The following ECD variants were observed in gnomAD, a reference collection of about 807,000 sequenced individuals.
The protein encoded by ECD is ecdysoneless cell cycle regulator.
A neutral mutation model predicts 77.2 loss-of-function variants in ECD; 59 were observed. That is an observed-to-expected ratio of 0.76 (90% CI 0.62 to 0.95). The LOEUF (loss-of-function observed/expected upper bound fraction) is 0.95. Ranked by LOEUF, ECD falls within the 40% of genes least tolerant of loss-of-function variation. ECD has a pLI of 0.00. For missense variants in ECD, 704 were observed against 763.4 expected, an observed-to-expected ratio of 0.92 and a Z score of 0.92; for synonymous variants, 233 against 267.4, an observed-to-expected ratio of 0.87 and a Z score of 1.26.
At chr10:73,157,614 C>T (rs1374845295) in intron 3 of ECD, among the ~76,000 whole-genome samples, 2 of 150,830 alleles carry the variant, frequency 1.3e-5, no homozygotes, top group Non-Finnish European at 3.0e-5. Context: ...CCCAGCTACT[C>T]GGGAGGCTGA....
At chr10:73,160,592 T>C in intron 2 of ECD, 41 bp from the exon 3 acceptor site, 1 of 1,405,196 alleles carries the variant, frequency 7.1e-7, no homozygotes, top group Non-Finnish European at 9.9e-7. Flanking sequence ...CAGATAAATT[T>C]GTTACTGCAA....
chr10:73,152,263 AG>A (rs1330532911), intron 7 of ECD, 29 bp downstream of exon 7: 1 of 1,605,082 alleles, frequency 6.2e-7, no homozygotes, highest in East Asian at 2.2e-5. Flanking sequence ...ACATAAAGAA[AG>A]GAAACAACAT....
chr10:73,156,654 T>A lies in ECD; in HGVS notation c.325A>T (p.Ile109Phe), dbSNP rs1444549171. Residue 109 changes from isoleucine (I) to phenylalanine (F), a missense_variant and splice_region_variant, in exon 4 of 14, where the codon ATT (isoleucine) becomes TTT (phenylalanine). Ile to Phe is a conservative substitution (Grantham distance 21). This residue lies in a region of ECD where 559 missense variants were observed against 583.7 expected (regional missense o/e 0.96). Coordinates refer to ENST00000372979, the MANE Select transcript of ECD (RefSeq NM_007265.3). Reference sequence around the variant, plus strand: ...AAGAATTCACCATCATTGTCTTCAATCCTAATGCAAGAAAATTTCCAATTT... The same window carrying A: ...AAGAATTCACCATCATTGTCTTCAAACCTAATGCAAGAAAATTTCCAATTT... Reference protein sequence around the residue: ...TKEFPELVARIEDNDGEFLLI... With the variant: ...TKEFPELVARFEDNDGEFLLI... The A allele has an allele frequency of 2.5e-6, 4 of 1,612,834 alleles. No homozygotes were observed. The African/African-American group carries it at 4.0e-5, about 16-fold the overall frequency.
chr10:73,150,527 A>G lies in ECD; in HGVS notation c.912+1766T>C, dbSNP rs561342409. ...ACAAAAGCCAAAATTGACAAATGGGATCTAATTAAACTCAAGAGCTTCTGC... is the reference window on the plus strand; with the variant it reads ...ACAAAAGCCAAAATTGACAAATGGGGTCTAATTAAACTCAAGAGCTTCTGC... On this transcript the variant is annotated intron_variant, in intron 7 of 13. Coordinates refer to ENST00000372979, the MANE Select transcript of ECD (RefSeq NM_007265.3). Among the ~76,000 whole-genome samples the G allele has an allele frequency of 2.6e-5, 4 of 152,336 alleles. No individual in the cohort carries two copies. The South Asian group carries it at 8.3e-4, about 32-fold the overall frequency.
chr10:73,142,317 T>G (rs1026018146), intron 9 of ECD, among the ~76,000 whole-genome samples: 2 of 152,068 alleles, frequency 1.3e-5, no homozygotes, highest in African/African-American at 4.8e-5. Flanking sequence ...CCTATTTGTT[T>G]ATTTTTAATT....
intron 2 of ECD, among the ~76,000 whole-genome samples, chr10:73,161,844 G>A (rs761136953): frequency 2.6e-5 from 4 of 152,268 alleles, no homozygotes; most frequent in African/African-American, 2.4e-5. Flanking sequence ...ACGACCAAGC[G>A]AGATTTATTC....
Position 73,160,549 on chromosome 10 carries a change from CT to C in ECD, c.207del (p.Gly70ValfsTer9). 1 of 1,589,834 alleles carries C rather than the reference CT, an allele frequency of 6.3e-7. No homozygotes were observed. Among genetic ancestry groups the C allele is most frequent in the Non-Finnish European group, 8.5e-7 (1 of 1,172,652 alleles). ...ACGCCAAACATATGAGCAGGAACAC[CT>C]CCTAAAAACAAGAGAAAAGCAACCA... ...PFNLKYKPGK[G>X]GVPAHMFGVT... On this transcript the variant is annotated frameshift_variant and splice_region_variant, in exon 3 of 14. Transcript: ENST00000372979. LOFTEE classifies it high-confidence loss of function.
At chr10:73,151,567 C>G (rs1589117788) in intron 7 of ECD, among the ~76,000 whole-genome samples, 2 of 150,646 alleles carry the variant, frequency 1.3e-5, no homozygotes, top group East Asian at 3.9e-4. Context: ...CTATCAATGT[C>G]TAGATTGTAA....
intron 9 of ECD, 112 bp from the exon 10 acceptor site, chr10:73,139,849 G>GTTTTT: frequency 2.3e-6 from 1 of 435,676 alleles, no homozygotes; most frequent in Admixed American, 4.5e-5. Flanking sequence ...TTTGGGGAGT[G>GTTTTT]TTTTTTTTTT....
chr10:73,151,267 A>G (rs2133261433), intron 7 of ECD, among the ~76,000 whole-genome samples: 1 of 151,544 alleles, frequency 6.6e-6, no homozygotes, highest in East Asian at 2.0e-4. Flanking sequence ...TCAGCAAACT[A>G]TTGCAAGGAC....
chr10:73,149,107 G>A (rs10437380), intron 7 of ECD, among the ~76,000 whole-genome samples: 15,984 of 152,152 alleles, frequency 0.11, 1,237 homozygotes, highest in East Asian at 0.3. Context: ...CTTACTTCAT[G>A]GCTAGAGCAC....
intron 9 of ECD, among the ~76,000 whole-genome samples, chr10:73,142,754 G>A (rs1843075384): frequency 6.6e-6 from 1 of 151,932 alleles, no homozygotes; most frequent in South Asian, 2.1e-4. Context: ...GTATACTTCG[G>A]CACTTTTCTC....
chr10:73,133,713 C>T lies in ECD; in HGVS notation c.*870G>A, dbSNP rs1238962451. On this transcript the variant is annotated 3_prime_UTR_variant, in exon 14 of 14. Coordinates refer to ENST00000372979, the MANE Select transcript of ECD (RefSeq NM_007265.3). ...TGAATTTTATGATATATAGATAATA[C>T]TTGATTTATTTTAGGAGGAATATGA... is the stretch of plus-strand genomic sequence containing the variant. 1 of 151,894 alleles carries T rather than the reference C, an allele frequency of 6.6e-6. No homozygotes were observed. The highest frequency in any genetic ancestry group is 1.5e-5 in the Non-Finnish European group (1 of 67,998). 9.4% of individuals were successfully genotyped at this position (151,894 alleles called of 1,614,324 possible).
chr10:73,134,574 A>G lies in ECD; in HGVS notation c.*9T>C, dbSNP rs771750736. 11 of 1,607,724 alleles carry G rather than the reference A, an allele frequency of 6.8e-6. No homozygotes were observed. Among genetic ancestry groups the G allele is most frequent in the African/African-American group, 1.3e-5 (1 of 74,888 alleles). ...TTTAAAAAGAAAAAAGAGAAGCTAA[A>G]TGTGCTGGTTAATTTTTTGTTGGCT... On this transcript the variant is annotated 3_prime_UTR_variant, in exon 14 of 14. Coordinates refer to ENST00000372979, the MANE Select transcript of ECD (RefSeq NM_007265.3).
chr10:73,160,303 A>G, intron 3 of ECD, 131 bp downstream of exon 3: 1 of 512,696 alleles, frequency 2.0e-6, no homozygotes, highest in Non-Finnish European at 3.1e-6. Context: ...AAAAAAGAGC[A>G]CAGATACTAT....
rs941653791 is a variant in ECD at position 73,133,970 on chromosome 10, G to A, written c.*613C>T. 6.6e-6 allele frequency: 1 copy of A among 152,428 alleles called. No homozygotes were observed. Among genetic ancestry groups the A allele is most frequent in the Non-Finnish European group, 1.5e-5 (1 of 68,270 alleles). 9.4% of individuals were successfully genotyped at this position (152,428 alleles called of 1,614,324 possible). The stretch of plus-strand genomic sequence containing the variant: ...GTTTCTAATATTCTAGAATTAGATG[G>A]TAGGGATGGTTGCACAATTTTGTAA... On this transcript the variant is annotated 3_prime_UTR_variant, in exon 14 of 14. Transcript: ENST00000372979.
Position 73,154,315 on chromosome 10 carries a change from C to T in ECD, c.724G>A (p.Asp242Asn), listed in dbSNP as rs1169509513. ...TTGAAAACACGACAAGCTCGCAGGTCAATAGGGTCTCGTAGGTAAAATGCC... is the reference window on the plus strand; with the variant it reads ...TTGAAAACACGACAAGCTCGCAGGTTAATAGGGTCTCGTAGGTAAAATGCC... ...VQAFYLRDPI[D>N]LRACRVFKTF... The change falls in exon 6 of 14, where the codon GAC (aspartate) becomes AAC (asparagine). Residue 242 changes from aspartate (D) to asparagine (N), a missense_variant. Asp to Asn is a conservative substitution (Grantham distance 23). This residue lies in a region of ECD where 559 missense variants were observed against 583.7 expected (regional missense o/e 0.96). Transcript: ENST00000372979. The T allele has an allele frequency of 6.2e-7, 1 of 1,613,970 alleles. No individual in the cohort carries two copies. The highest frequency in any genetic ancestry group is 2.2e-5 in the East Asian group (1 of 44,868).
chr10:73,161,372 G>C (rs1843376055), intron 2 of ECD, among the ~76,000 whole-genome samples: 1 of 151,580 alleles, frequency 6.6e-6, no homozygotes, highest in African/African-American at 2.4e-5. Flanking sequence ...AATGAAAGAG[G>C]GGACAGTACA....
At position 73,139,474 on chromosome 10, in the gene ECD, G is replaced by A. The variant is rs150500888; in HGVS notation, c.1256C>T (p.Ser419Leu). 6.8e-6 allele frequency: 11 copies of A among 1,613,794 alleles called. No individual in the cohort carries two copies. In the African/African-American group the frequency reaches 9.3e-5, roughly 14 times the overall value. ...PEDDDQWLDLSPDQLDQLLQE... is the reference protein window; with the variant it reads ...PEDDDQWLDLLPDQLDQLLQE... Reference sequence around the variant, plus strand: ...CAGCAGCTGGTCCAGCTGATCTGGTGAGAGATCTAACCACTGGTCATCTGA... The same window carrying A: ...CAGCAGCTGGTCCAGCTGATCTGGTAAGAGATCTAACCACTGGTCATCTGA... The change falls in exon 11 of 14, where the codon TCA becomes TTA. Residue 419 changes from serine to leucine, a missense_variant. Transcript: ENST00000372979.
Sources: allele counts gnomAD v4.1 joint callset (sites outside exome capture counted in the v4.1 genomes callset), GRCh38; gene constraint gnomAD v4.1.1; regional missense constraint gnomAD v4.1.1; transcripts MANE v1.5; gene names NCBI Gene and HGNC (gene_info 2026-07-23, HGNC 2026-07-21).